WNT5B: variants seen among roughly 807,000 people sequenced by gnomAD.
The protein encoded by WNT5B is protein Wnt-5b.
In WNT5B, 18 loss-of-function variants were observed where a neutral mutation model predicts 36.5. The ratio of observed to expected loss-of-function variants is 0.49; its 90% CI spans 0.34 to 0.73. The LOEUF (loss-of-function observed/expected upper bound fraction) is 0.73. WNT5B is among the 30% of genes least tolerant of loss of function. The pLI is 0.01. For missense variants in WNT5B, 424 were observed against 508.4 expected, an observed-to-expected ratio of 0.83 and a Z score of 1.60; for synonymous variants, 213 against 212.3, an observed-to-expected ratio of 1.00 and a Z score of -0.03.
At position 1,646,263 on chromosome 12, in the gene WNT5B, C is replaced by T. The variant is rs2094585536; in HGVS notation, c.*11C>T. Reference sequence around the variant, plus strand: ...TACATCTGTAAATAGCCCGGAGGGCCTGCTCCCGGCCCCCCTGCACTCTGC... The same window carrying T: ...TACATCTGTAAATAGCCCGGAGGGCTTGCTCCCGGCCCCCCTGCACTCTGC... On this transcript the variant is annotated 3_prime_UTR_variant, in exon 5 of 5. Coordinates refer to ENST00000397196, the MANE Select transcript of WNT5B (RefSeq NM_032642.3). 1 of 1,598,812 alleles carries T rather than the reference C, an allele frequency of 6.3e-7. No homozygotes were observed. The highest frequency in any genetic ancestry group is 8.5e-7 in the Non-Finnish European group (1 of 1,171,344).
chr12:1,617,142 A>G (rs1360875907), exon 1 of WNT5B: 1 of 152,222 alleles, frequency 6.6e-6, no homozygotes, highest in South Asian at 2.1e-4. Flanking sequence ...GACTGGAATC[A>G]GGTGAGGCCA....
chr12:1,639,792 C>T lies in WNT5B; in HGVS notation c.437C>T (p.Thr146Met), dbSNP rs375865925. 2.9e-5 allele frequency: 46 copies of T among 1,611,500 alleles called. No homozygotes were observed. Among genetic ancestry groups the T allele is most frequent in the Middle Eastern group, 1.7e-4 (1 of 6,050 alleles). ...CTCTCCACCTGCGGCTGCAGCCGGA[C>T]GGCGCGGCCCAAGGACCTGCCCCGG... ...GELSTCGCSR[T>M]ARPKDLPRDW... Residue 146 changes from threonine to methionine, a missense_variant, in exon 4 of 5, where the codon ACG becomes ATG. Physicochemically the swap from Thr to Met is moderately conservative, Grantham distance 81 (BLOSUM62 -1). Coordinates refer to ENST00000397196, the MANE Select transcript of WNT5B (RefSeq NM_032642.3).
chr12:1,631,250 CT>C, intron 1 of WNT5B, 47 bp from the exon 2 acceptor site: 1 of 1,541,614 alleles, frequency 6.5e-7, no homozygotes, highest in Non-Finnish European at 8.8e-7. Context: ...CTGGTCTGCC[CT>C]TATCCGCTGA....
intron 1 of WNT5B, among the ~76,000 whole-genome samples, chr12:1,621,707 AT>A (rs34640616): frequency 0.3 from 42,510 of 140,812 alleles, 7,017 homozygotes; most frequent in African/African-American, 0.46. Context: ...ATATCCAGCT[AT>A]TTTTTTTTTT....
intron 4 of WNT5B, among the ~76,000 whole-genome samples, chr12:1,643,205 T>C (rs2094578643): frequency 6.6e-6 from 1 of 152,146 alleles, no homozygotes; most frequent in African/African-American, 2.4e-5. Flanking sequence ...CAGTGGCTGA[T>C]GGTGTTTTGC....
intron 1 of WNT5B, among the ~76,000 whole-genome samples, chr12:1,622,170 G>A (rs1054276162): frequency 2.7e-5 from 4 of 149,178 alleles, no homozygotes; most frequent in East Asian, 2.0e-4. Context: ...GAGTGCAGTG[G>A]CGTGATCTCG....
chr12:1,646,750 T>C lies in WNT5B; in HGVS notation c.*498T>C, dbSNP rs2094586359. ...TAAGAGGCCTGGTGCTCTCTTACTCTTTCATCCACGTGCACTTGTGCGGCA... is the reference window on the plus strand; with the variant it reads ...TAAGAGGCCTGGTGCTCTCTTACTCCTTCATCCACGTGCACTTGTGCGGCA... On this transcript the variant is annotated 3_prime_UTR_variant, in exon 5 of 5. Coordinates refer to ENST00000397196, the MANE Select transcript of WNT5B (RefSeq NM_032642.3). The C allele has an allele frequency of 6.6e-6, 1 of 152,378 alleles. No individual in the cohort carries two copies. The highest frequency in any genetic ancestry group is 1.5e-5 in the Non-Finnish European group (1 of 68,194). The allele number at this position is 152,378 out of a possible 1,614,324, so 9.4% of individuals were successfully genotyped here.
At chr12:1,617,472 AT>A (rs1414948336) in intron 1 of WNT5B, among the ~76,000 whole-genome samples, 2 of 151,858 alleles carry the variant, frequency 1.3e-5, no homozygotes, top group Non-Finnish European at 2.9e-5. Flanking sequence ...CTACAAAAAA[AT>A]ACAAAAATTA....
chr12:1,623,404 C>T (rs2094536971), intron 1 of WNT5B, among the ~76,000 whole-genome samples: 1 of 151,580 alleles, frequency 6.6e-6, no homozygotes, highest in African/African-American at 2.4e-5. Context: ...ACCGTGTTAG[C>T]CAGGATGGTC....
Position 1,635,247 on chromosome 12 carries a change from C to T in WNT5B, c.328+2342C>T, listed in dbSNP as rs534712156. ...AGGTTCGAACTGTCAGAGTACAGAA[C>T]GTCTGGTGTGTTAGTTCAGCTGCAG... On this transcript the variant is annotated intron_variant, in intron 3 of 4. Transcript: ENST00000397196. 8.6e-4 allele frequency among the ~76,000 whole-genome samples: 131 copies of T among 152,282 alleles called. 1 individual carries two copies. Among genetic ancestry groups the T allele is most frequent in the South Asian group, 1.7e-3 (8 of 4,824 alleles).
intron 3 of WNT5B, among the ~76,000 whole-genome samples, chr12:1,636,997 C>G (rs2094563060): frequency 6.6e-6 from 1 of 152,106 alleles, no homozygotes; most frequent in Non-Finnish European, 1.5e-5. Flanking sequence ...CATGAGCCAC[C>G]ACGCCCAGCT....
At chr12:1,624,716 A>G (rs895706461), upstream of WNT5B, among the ~76,000 whole-genome samples, 3 of 152,176 alleles carry the variant, frequency 2.0e-5, no homozygotes, top group African/African-American at 7.2e-5. Flanking sequence ...GTAAAACCAT[A>G]CTGGGCGCAA....
At chr12:1,621,463 CA>C (rs1369177935) in intron 1 of WNT5B, among the ~76,000 whole-genome samples, 1 of 152,186 alleles carries the variant, frequency 6.6e-6, no homozygotes, top group East Asian at 1.9e-4. Context: ...GTGTTGCCCC[CA>C]GAAACTGGAA....
At chr12:1,628,547 C>A (rs1042266342), upstream of WNT5B, among the ~76,000 whole-genome samples, 2 of 152,186 alleles carry the variant, frequency 1.3e-5, no homozygotes, top group African/African-American at 2.4e-5. Context: ...GCCTGTTGGG[C>A]ATTTACCAGA....
intron 1 of WNT5B, among the ~76,000 whole-genome samples, chr12:1,623,256 C>T (rs1414225381): frequency 1.5e-5 from 2 of 129,282 alleles, no homozygotes; most frequent in Non-Finnish European, 3.1e-5. Context: ...ACTGCAGTGG[C>T]ACAGTCTCGG....
At chr12:1,623,177 G>GTTTTTTTTTTTTTTTT (rs1565603144) in intron 1 of WNT5B, among the ~76,000 whole-genome samples, 7 of 98,252 alleles carry the variant, frequency 7.1e-5, no homozygotes, top group African/African-American at 3.0e-4. Flanking sequence ...CCTTTGAAGG[G>GTTTTTTTTTTTTTTTT]TTTTTTGTTG....
In WNT5B at chr12:1,629,371, G is replaced by C. The variant is rs2094545889; in HGVS notation, c.-58G>C. The C allele has an allele frequency of 6.6e-6, 1 of 152,602 alleles. No individual in the cohort carries two copies. The highest frequency in any genetic ancestry group is 1.5e-5 in the Non-Finnish European group (1 of 68,302). The allele number at this position is 152,602 out of a possible 1,614,324, so 9.5% of individuals were successfully genotyped here. A position where few individuals can be genotyped will look rare whatever the true frequency, so the allele number is the denominator to read the frequency against. On this transcript the variant is annotated splice_region_variant and 5_prime_UTR_variant, in exon 1 of 5. Transcript: ENST00000397196. ...TGGAGCCTGATGGACGGGTGACAGA[G>C]GTGAGAGGCACTGGTGTGAGGGACA...
rs1259264967 is a variant in WNT5B at position 1,630,144 on chromosome 12, G to A, written c.-58+773G>A. 2.0e-6 allele frequency: 2 copies of A among 985,452 alleles called. No individual in the cohort carries two copies. Among genetic ancestry groups the A allele is most frequent in the African/African-American group, 1.7e-5 (1 of 57,230 alleles). 61.0% of individuals were successfully genotyped at this position (985,452 alleles called of 1,614,324 possible). ...CCCGGGCTGATGACCCGAAGCACCC[G>A]CCGCCCCCTCCCGGGGAGCCTGGGG... On this transcript the variant is annotated intron_variant, in intron 1 of 4. Transcript: ENST00000397196. This position sits in a 1 kb window ranked among gnomAD's most constrained non-coding sequence, Gnocchi z 5.3.
At chr12:1,634,642 G>T (rs758052873) in intron 3 of WNT5B, among the ~76,000 whole-genome samples, 4 of 152,136 alleles carry the variant, frequency 2.6e-5, no homozygotes, top group Non-Finnish European at 5.9e-5. Context: ...ATCACTGAAG[G>T]CTCATGCTAC....
Sources: allele counts gnomAD v4.1 joint callset (sites outside exome capture counted in the v4.1 genomes callset), GRCh38; gene constraint gnomAD v4.1.1; non-coding constraint Gnocchi (gnomAD v3.1); transcripts MANE v1.5; gene names NCBI Gene and HGNC (gene_info 2026-07-23, HGNC 2026-07-21).